Variants in LRRC7 observed in about 807,000 individuals in gnomAD.
LRRC7 encodes leucine-rich repeat-containing protein 7.
LRRC7 carries 23 observed loss-of-function variants against 175.7 expected under a neutral mutation model. The observed-to-expected ratio is 0.13, with a 90% CI of 0.09 to 0.19. LRRC7 has a LOEUF of 0.19. Ranked by LOEUF, LRRC7 falls within the 10% of genes least tolerant of loss-of-function variation. The pLI is 1.00. For missense variants in LRRC7, 1,354 were observed against 1,904.7 expected (o/e 0.71, Z 5.38); for synonymous variants, 685 against 680.9 (o/e 1.01, Z -0.09).
chr1:69,833,747 A>G (rs2101319433), intron 5 of LRRC7, among the ~76,000 whole-genome samples: 1 of 152,136 alleles, frequency 6.6e-6, no homozygotes, highest in Middle Eastern at 3.4e-3. Flanking sequence ...AATGAGGCTA[A>G]TGGGATTGGA....
At chr1:69,974,650 T>G (rs951863751) in intron 8 of LRRC7, among the ~76,000 whole-genome samples, 1 of 152,224 alleles carries the variant, frequency 6.6e-6, no homozygotes, top group African/African-American at 2.4e-5. Context: ...CTATTGATTA[T>G]GAAATGCTAT....
intron 8 of LRRC7, among the ~76,000 whole-genome samples, chr1:69,971,252 C>T (rs746978330): frequency 2.0e-5 from 3 of 151,922 alleles, no homozygotes; most frequent in Non-Finnish European, 4.4e-5. Context: ...TTCCTTTTCA[C>T]CATAGTATTA....
intron 22 of LRRC7, among the ~76,000 whole-genome samples, chr1:70,052,215 C>G (rs59199273): frequency 6.6e-6 from 1 of 151,882 alleles, no homozygotes; most frequent in African/African-American, 2.4e-5. Flanking sequence ...CATCCCTCCA[C>G]TGGAGGCTTT....
intron 7 of LRRC7, among the ~76,000 whole-genome samples, chr1:69,898,662 A>ACGG (rs1553170489): frequency 6.6e-6 from 1 of 150,762 alleles, no homozygotes; most frequent in Non-Finnish European, 1.5e-5. Context: ...TGCTATCATC[A>ACGG]CTGCTGCTGC....
chr1:70,063,710 A>G (rs1398799857), intron 23 of LRRC7, among the ~76,000 whole-genome samples: 1 of 152,090 alleles, frequency 6.6e-6, no homozygotes, highest in Non-Finnish European at 1.5e-5. Flanking sequence ...CGTTACTCTT[A>G]ACATCTTCCA....
intron 22 of LRRC7, among the ~76,000 whole-genome samples, chr1:70,047,674 T>A (rs1660435238): frequency 6.6e-6 from 1 of 152,070 alleles, no homozygotes; most frequent in South Asian, 2.1e-4. Flanking sequence ...TCATATTTAT[T>A]ACATGTCAGA....
At chr1:69,603,087 A>G (rs780545595) in intron 1 of LRRC7, among the ~76,000 whole-genome samples, 4 of 151,994 alleles carry the variant, frequency 2.6e-5, no homozygotes, top group Non-Finnish European at 5.9e-5. Context: ...CATTATTCCA[A>G]TTTCTAGCTC....
intron 10 of LRRC7, among the ~76,000 whole-genome samples, chr1:69,992,782 G>A (rs951138086): frequency 1.3e-5 from 2 of 152,190 alleles, no homozygotes; most frequent in Non-Finnish European, 2.9e-5. Context: ...CCAGTCTTCA[G>A]GATAATCTGT....
At chr1:69,785,152 C>T (rs1674258171) in intron 3 of LRRC7, among the ~76,000 whole-genome samples, 1 of 151,928 alleles carries the variant, frequency 6.6e-6, no homozygotes, top group Non-Finnish European at 1.5e-5. Flanking sequence ...TGTTAAATAT[C>T]CTGCTATGAT....
In LRRC7 at chr1:69,664,035, A is replaced by G. The variant is rs144285190; in HGVS notation, c.3-14346A>G. ...CGCGCCCGGCCTCGTTTTAATTTTT[A>G]TAAGTGTGAGCATGTAAAGTTTGTC... is the stretch of plus-strand genomic sequence containing the variant. On this transcript the variant is annotated intron_variant, in intron 1 of 26. Coordinates refer to ENST00000651989, the MANE Select transcript of LRRC7 (RefSeq NM_001370785.2). 6.1e-3 allele frequency among the ~76,000 whole-genome samples: 923 copies of G among 152,206 alleles called. 11 individuals carry two copies. Among genetic ancestry groups the G allele is most frequent in the African/African-American group, 0.021 (865 of 41,544 alleles).
intron 2 of LRRC7, among the ~76,000 whole-genome samples, chr1:69,695,520 C>T (rs921350765): frequency 5.3e-5 from 8 of 152,186 alleles, no homozygotes; most frequent in African/African-American, 1.9e-4. Context: ...AAAGCCACCA[C>T]CTGCTAGAGA....
In LRRC7 at chr1:69,949,913, C is replaced by T. The variant is rs544299031; in HGVS notation, c.711+18343C>T. Among the ~76,000 whole-genome samples, 6 of 152,248 alleles carry T rather than the reference C, an allele frequency of 3.9e-5. No homozygotes were observed. The South Asian group carries it at 1.0e-3, about 26-fold the overall frequency. Reference sequence around the variant, plus strand: ...TTTGTGTTATCACAGGCGATTGACACTGATTTTTTTAATCGAATTGAATCT... The same window carrying T: ...TTTGTGTTATCACAGGCGATTGACATTGATTTTTTTAATCGAATTGAATCT... On this transcript the variant is annotated intron_variant, in intron 8 of 26. Transcript: ENST00000651989.
At chr1:69,747,841 A>G (rs1669423196) in intron 2 of LRRC7, among the ~76,000 whole-genome samples, 1 of 152,148 alleles carries the variant, frequency 6.6e-6, no homozygotes, top group African/African-American at 2.4e-5. Flanking sequence ...CCGTTTTTAA[A>G]TGAGCTTCTG....
chr1:70,116,914 A>T (rs999882483), intron 26 of LRRC7, among the ~76,000 whole-genome samples: 1 of 152,182 alleles, frequency 6.6e-6, no homozygotes, highest in Non-Finnish European at 1.5e-5. Context: ...GCTCTTTCTC[A>T]TAATACCTGG....
chr1:70,019,455 C>T (rs1438343033), intron 15 of LRRC7, among the ~76,000 whole-genome samples: 2 of 151,898 alleles, frequency 1.3e-5, no homozygotes, highest in African/African-American at 4.8e-5. Flanking sequence ...GCTCCTTAGC[C>T]CAAGCCAACA....
At position 69,869,462 on chromosome 1, in the gene LRRC7, G is replaced by A. The variant is rs556549630; in HGVS notation, c.647+31179G>A. The stretch of plus-strand genomic sequence containing the variant: ...GTTCAGAGAGGAAATGATGAATTCA[G>A]TTTGAGGAATCCAATTACATTACCT... On this transcript the variant is annotated intron_variant, in intron 7 of 26. Transcript: ENST00000651989. Among the ~76,000 whole-genome samples the A allele has an allele frequency of 4.6e-5, 7 of 152,186 alleles. No homozygotes were observed. In the South Asian group the frequency reaches 1.5e-3, roughly 32 times the overall value.
chr1:69,896,555 A>G (rs558644844), intron 7 of LRRC7, among the ~76,000 whole-genome samples: 2 of 152,256 alleles, frequency 1.3e-5, no homozygotes, highest in South Asian at 4.1e-4. Flanking sequence ...GAGGCTGCTG[A>G]AATGGTTGTG....
At chr1:69,703,375 C>A (rs1454138209) in intron 2 of LRRC7, among the ~76,000 whole-genome samples, 7 of 151,232 alleles carry the variant, frequency 4.6e-5, no homozygotes, top group Admixed American at 2.6e-4. Flanking sequence ...TTTTACATTT[C>A]TATGACAAAT....
At chr1:70,069,850 A>G (rs1183276199) in intron 23 of LRRC7, among the ~76,000 whole-genome samples, 1 of 152,094 alleles carries the variant, frequency 6.6e-6, no homozygotes, top group African/African-American at 2.4e-5. Flanking sequence ...CTACCAGGTC[A>G]CTGTTTCTTT....
Sources: gnomAD v4.1 joint callset for allele counts (sites outside exome capture counted in the v4.1 genomes callset) on GRCh38, gnomAD v4.1.1 for gene constraint, MANE v1.5 for transcripts, NCBI Gene and HGNC (gene_info 2026-07-23, HGNC 2026-07-21) for gene names.